Variants in RCOR2 observed in about 807,000 individuals in gnomAD.
RCOR2 encodes REST corepressor 2.
Under a neutral mutation model 58.9 loss-of-function variants are expected in RCOR2, and 19 were observed. The observed-to-expected ratio is 0.32, with a 90% CI of 0.23 to 0.47. RCOR2 has a LOEUF of 0.47. RCOR2 is among the 20% of genes least tolerant of loss of function. RCOR2 has a pLI of 1.00. For missense variants in RCOR2, 590 were observed against 707.9 expected, an observed-to-expected ratio of 0.83 and a Z score of 1.89; for synonymous variants, 286 against 278.7, an observed-to-expected ratio of 1.03 and a Z score of -0.26.
At position 63,912,530 on chromosome 11, in the gene RCOR2, G is replaced by C. The variant is rs1222305371; in HGVS notation, c.1032C>G (p.Ile344Met). The part of the protein sequence containing the change: ...TDEQLLAVQA[I>M]RRYGKDFGAI... Reference sequence around the variant, plus strand: ...CCCCAAAGTCTTTGCCATACCTACGGATGGCTGCAAGGGTCAAAAGGGCAG... The same window carrying C: ...CCCCAAAGTCTTTGCCATACCTACGCATGGCTGCAAGGGTCAAAAGGGCAG... The change falls in exon 11 of 12, where the codon ATC becomes ATG. Residue 344 changes from isoleucine to methionine, a missense_variant. Physicochemically the swap from Ile to Met is conservative, Grantham distance 10. Coordinates refer to ENST00000301459, the MANE Select transcript of RCOR2 (RefSeq NM_173587.4). The C allele has an allele frequency of 6.2e-7, 1 of 1,611,346 alleles. No homozygotes were observed. Among genetic ancestry groups the C allele is most frequent in the Non-Finnish European group, 8.5e-7 (1 of 1,177,684 alleles).
chr11:63,923,900 T>A, the RCOR2 span, among the ~76,000 whole-genome samples: 1 of 152,104 alleles, frequency 6.6e-6, no homozygotes, highest in Non-Finnish European at 1.5e-5. Flanking sequence ...TCCCTATCCC[T>A]CTTCCTTTTA....
intron 1 of RCOR2, among the ~76,000 whole-genome samples, chr11:63,915,996 G>C (rs13377315): frequency 0.056 from 8,558 of 152,274 alleles, 812 homozygotes; most frequent in African/African-American, 0.2. Context: ...GTGTGGAGGT[G>C]TCTCTCCAGT....
At position 63,911,693 on chromosome 11, in the gene RCOR2, C is replaced by G; in HGVS notation, c.*172G>C. 9.0e-7 allele frequency: 1 copy of G among 1,108,712 alleles called. No individual in the cohort carries two copies. The highest frequency in any genetic ancestry group is 1.2e-6 in the Non-Finnish European group (1 of 842,966). The allele number at this position is 1,108,712 out of a possible 1,614,324, so 68.7% of individuals were successfully genotyped here. ...CCATGGCCCCAGGAGACAGGCCCAG[C>G]TGCCAGGAACACATGCAGAACCCAA... On this transcript the variant is annotated 3_prime_UTR_variant, in exon 12 of 12. Transcript: ENST00000301459.
upstream of RCOR2, among the ~76,000 whole-genome samples, chr11:63,919,419 C>T (rs1388336598): frequency 6.6e-6 from 1 of 152,184 alleles, no homozygotes; most frequent in Non-Finnish European, 1.5e-5. Flanking sequence ...AGAGACAGCA[C>T]CCCCTCCCTG....
Position 63,916,635 on chromosome 11 carries a change from G to A in RCOR2, c.-179C>T. The A allele has an allele frequency of 5.6e-6, 6 of 1,076,568 alleles. No individual in the cohort carries two copies. In the East Asian group the frequency reaches 1.6e-4, roughly 29 times the overall value. 66.7% of individuals were successfully genotyped at this position (1,076,568 alleles called of 1,614,324 possible). On this transcript the variant is annotated 5_prime_UTR_variant, in exon 1 of 12. Coordinates refer to ENST00000301459, the MANE Select transcript of RCOR2 (RefSeq NM_173587.4). ...TGGGAGCCCACCTGGTAGCCCCAGC[G>A]CTCTCCACGACCCCCACGAGCCAGG...
Position 63,916,696 on chromosome 11 carries a change from A to G in RCOR2, c.-240T>C. The stretch of plus-strand genomic sequence containing the variant: ...AGTTTGTGCAGAAGTGGGGGACGCA[A>G]GGGATGAGCGCAAGGTCCGGTGCGG... On this transcript the variant is annotated 5_prime_UTR_variant, in exon 1 of 12. Coordinates refer to ENST00000301459, the MANE Select transcript of RCOR2 (RefSeq NM_173587.4). 1.7e-6 allele frequency: 1 copy of G among 599,442 alleles called. No individual in the cohort carries two copies. Among genetic ancestry groups the G allele is most frequent in the South Asian group, 2.2e-5 (1 of 44,880 alleles). The allele number at this position is 599,442 out of a possible 1,614,324, so 37.1% of individuals were successfully genotyped here.
chr11:63,918,929 G>A (rs1163306818), upstream of RCOR2, among the ~76,000 whole-genome samples: 1 of 152,134 alleles, frequency 6.6e-6, no homozygotes, highest in East Asian at 1.9e-4. Context: ...CTCTAGCAGG[G>A]ATCCCCAGCC....
Position 63,914,340 on chromosome 11 carries a change from C to A in RCOR2, c.606-10G>T. On this transcript the variant is annotated splice_polypyrimidine_tract_variant and intron_variant, in intron 6 of 11. Coordinates refer to ENST00000301459, the MANE Select transcript of RCOR2 (RefSeq NM_173587.4). The stretch of plus-strand genomic sequence containing the variant: ...CTCTTCGAGCTCATCACTGCTGACA[C>A]AGGGGCCAGGGAGGGAATGAGGCAG... 6.2e-7 allele frequency: 1 copy of A among 1,613,556 alleles called. No individual in the cohort carries two copies. The highest frequency in any genetic ancestry group is 1.6e-4 in the Middle Eastern group (1 of 6,062).
Position 63,912,035 on chromosome 11 carries a change from G to C in RCOR2, c.1402C>G (p.Pro468Ala). 1 of 1,476,934 alleles carries C rather than the reference G, an allele frequency of 6.8e-7. No individual in the cohort carries two copies. Among genetic ancestry groups the C allele is most frequent in the Non-Finnish European group, 8.9e-7 (1 of 1,120,146 alleles). 91.5% of individuals were successfully genotyped at this position (1,476,934 alleles called of 1,614,324 possible). ...AGGAAGCGGCCCTGCTGCAGTGGGGGTGGCTGTCGGAGCAGAGTGGGAGCC... is the reference window on the plus strand; with the variant it reads ...AGGAAGCGGCCCTGCTGCAGTGGGGCTGGCTGTCGGAGCAGAGTGGGAGCC... ...PTAPTLLRQP[P>A]PLQQGRFLQP... The change falls in exon 12 of 12, where the codon CCC becomes GCC. Residue 468 changes from proline (P) to alanine (A), a missense_variant. By Grantham distance (27) the Pro-to-Ala change is conservative (BLOSUM62 -1). This residue lies in a region of RCOR2 where 196 missense variants were observed against 210.7 expected (regional missense o/e 0.93). Transcript: ENST00000301459.
rs758917942 is a variant in RCOR2 at position 63,914,142 on chromosome 11, G to C, written c.703C>G (p.Arg235Gly). The change falls in exon 8 of 12, where the codon CGC becomes GGC. Residue 235 changes from arginine to glycine, a missense_variant. By Grantham distance (125) the Arg-to-Gly change is moderately radical. Transcript: ENST00000301459. ...EPLPSRPLNARPGPGKKEVQV... is the reference protein window; with the variant it reads ...EPLPSRPLNAGPGPGKKEVQV... ...ACCTCCTTTTTCCCAGGGCCTGGGCGTGCATTCAGGGGCCGAGAGGGTAGA... is the reference window on the plus strand; with the variant it reads ...ACCTCCTTTTTCCCAGGGCCTGGGCCTGCATTCAGGGGCCGAGAGGGTAGA... 6.2e-7 allele frequency: 1 copy of C among 1,613,770 alleles called. No individual in the cohort carries two copies. The highest frequency in any genetic ancestry group is 1.7e-5 in the Admixed American group (1 of 60,002).
the RCOR2 span, among the ~76,000 whole-genome samples, chr11:63,926,139 G>A: frequency 6.6e-6 from 1 of 152,002 alleles, no homozygotes; most frequent in Non-Finnish European, 1.5e-5. Context: ...TCGAACTCCT[G>A]ACCTCAGGTG....
intron 8 of RCOR2, 71 bp from the exon 9 acceptor site, chr11:63,913,018 C>T: frequency 7.7e-7 from 1 of 1,304,098 alleles, no homozygotes; most frequent in East Asian, 2.5e-5. Context: ...CTCACAGGAC[C>T]CTACTTCTGC....
intron 1 of RCOR2, 73 bp from the exon 2 acceptor site, chr11:63,915,684 G>A (rs1941846984): frequency 7.5e-7 from 1 of 1,324,724 alleles, no homozygotes; most frequent in Non-Finnish European, 1.1e-6. Context: ...GGGCGGGGGA[G>A]GTGGCCGGCC....
Position 63,912,657 on chromosome 11 carries a change from T to G in RCOR2, c.1027+19A>C. Reference sequence around the variant, plus strand: ...GATAGATTCCTGGGGTCCTCTCTTCTCACCACAGTTTAACCCACCTTGAAC... The same window carrying G: ...GATAGATTCCTGGGGTCCTCTCTTCGCACCACAGTTTAACCCACCTTGAAC... On this transcript the variant is annotated intron_variant, in intron 10 of 11. Coordinates refer to ENST00000301459, the MANE Select transcript of RCOR2 (RefSeq NM_173587.4). 2 of 1,613,466 alleles carry G rather than the reference T, an allele frequency of 1.2e-6. No homozygotes were observed. The highest frequency in any genetic ancestry group is 2.7e-5 in the African/African-American group (2 of 74,990).
In RCOR2 at chr11:63,912,452, A is replaced by G. The variant is rs1348149737; in HGVS notation, c.1110T>C (p.Phe370=). The change falls in exon 11 of 12, where the codon TTT becomes TTC. Residue 370 remains phenylalanine (F), a synonymous_variant. Transcript: ENST00000301459. ...NKTLTQVKTF[F]VSYRRRFNLE... ...GATTGAAGCGGCGCCGGTAGCTCAC[A>G]AAGAAAGTCTTCACCTGGGTCAGAG... The G allele has an allele frequency of 6.2e-7, 1 of 1,613,984 alleles. No individual in the cohort carries two copies. Among genetic ancestry groups the G allele is most frequent in the African/African-American group, 1.3e-5 (1 of 74,990 alleles).
At chr11:63,914,999 C>T in intron 3 of RCOR2, 45 bp from the exon 4 acceptor site, 1 of 1,609,466 alleles carries the variant, frequency 6.2e-7, no homozygotes, top group Non-Finnish European at 8.5e-7. Context: ...GGGGTTATAG[C>T]TCCTAACCCA....
In RCOR2 at chr11:63,915,537, G is replaced by A. The variant is rs1420250162; in HGVS notation, c.184+18C>T. ...GCCTCCACCCCCACCCCACTTCACA[G>A]CCTGTCCTGCGGCTCACCAGGCTTG... On this transcript the variant is annotated intron_variant, in intron 2 of 11. Coordinates refer to ENST00000301459, the MANE Select transcript of RCOR2 (RefSeq NM_173587.4). The A allele has an allele frequency of 2.6e-6, 4 of 1,554,106 alleles. No individual in the cohort carries two copies. Among genetic ancestry groups the A allele is most frequent in the African/African-American group, 1.4e-5 (1 of 73,594 alleles).
chr11:63,917,546 A>G (rs2134250087), upstream of RCOR2, among the ~76,000 whole-genome samples: 1 of 151,592 alleles, frequency 6.6e-6, no homozygotes, highest in South Asian at 2.1e-4. Flanking sequence ...TTTTCCTTCC[A>G]TTTCCCTTCC....
Position 63,915,635 on chromosome 11 carries a change from C to T in RCOR2, c.128-24G>A, listed in dbSNP as rs1036022082. On this transcript the variant is annotated intron_variant, in intron 1 of 11. Transcript: ENST00000301459. ...GTCTGTGGAGCCAGGGGGAGGCAGT[C>T]AGGACTCCAGGGAGGGCGGGCGGGA... The T allele has an allele frequency of 3.4e-6, 3 of 886,280 alleles. No individual in the cohort carries two copies. In the African/African-American group the frequency reaches 7.7e-5, roughly 23 times the overall value. 54.9% of individuals were successfully genotyped at this position (886,280 alleles called of 1,614,324 possible).
Sources: allele counts gnomAD v4.1 joint callset (sites outside exome capture counted in the v4.1 genomes callset), GRCh38; gene constraint gnomAD v4.1.1; regional missense constraint gnomAD v4.1.1; transcripts MANE v1.5; gene names NCBI Gene and HGNC (gene_info 2026-07-23, HGNC 2026-07-21).